RAPGEF4: variants seen among roughly 807,000 people sequenced by gnomAD.
The protein encoded by RAPGEF4 is Rap guanine nucleotide exchange factor 4.
RAPGEF4 carries 66 observed loss-of-function variants against 147.9 expected under a neutral mutation model. That is an observed-to-expected ratio of 0.45 (90% CI 0.37 to 0.55). RAPGEF4 has a LOEUF of 0.55. Ranked by LOEUF, RAPGEF4 falls within the 20% of genes least tolerant of loss-of-function variation. RAPGEF4 has a pLI of 0.00. For missense variants in RAPGEF4, 1,071 were observed against 1,257.3 expected (o/e 0.85, Z 2.24); for synonymous variants, 419 against 442.7 (o/e 0.95, Z 0.67).
At chr2:172,932,367 T>C (rs1686082793) in intron 6 of RAPGEF4, among the ~76,000 whole-genome samples, 1 of 152,220 alleles carries the variant, frequency 6.6e-6, no homozygotes, top group Non-Finnish European at 1.5e-5. Flanking sequence ...ACAATTGAGT[T>C]CCAGTCCTGT....
intron 1 of RAPGEF4, among the ~76,000 whole-genome samples, chr2:172,790,410 A>ATAT (rs1363673982): frequency 2.6e-5 from 4 of 152,194 alleles, no homozygotes; most frequent in Admixed American, 6.5e-5. Context: ...AAGGCCCTGG[A>ATAT]TATTAGATGC....
intron 3 of RAPGEF4, among the ~76,000 whole-genome samples, chr2:172,810,070 A>G (rs1456158432): frequency 2.6e-5 from 4 of 152,208 alleles, no homozygotes; most frequent in Non-Finnish European, 4.4e-5. Context: ...TGGTACCTTA[A>G]CAGATTTTCC....
Position 172,814,738 on chromosome 2 carries a change from G to C in RAPGEF4, c.444+313G>C, listed in dbSNP as rs16860900. The C allele has an allele frequency of 8.6e-3, 2,867 of 333,632 alleles. 68 individuals carry two copies. Among genetic ancestry groups the C allele is most frequent in the African/African-American group, 0.055 (2,621 of 47,590 alleles). The allele number at this position is 333,632 out of a possible 1,614,324, so 20.7% of individuals were successfully genotyped here. A position where few individuals can be genotyped will look rare whatever the true frequency, so the allele number is the denominator to read the frequency against. On this transcript the variant is annotated intron_variant, in intron 4 of 30. Coordinates refer to ENST00000397081, the MANE Select transcript of RAPGEF4 (RefSeq NM_007023.4). ...TTTCCACAGATGTATTCTTAACCAG[G>C]GAACAAAATACTTTGACATTTTCTT...
intron 1 of RAPGEF4, among the ~76,000 whole-genome samples, chr2:172,778,738 T>C (rs776397097): frequency 4.6e-5 from 7 of 152,236 alleles, no homozygotes; most frequent in Non-Finnish European, 8.8e-5. Context: ...ACATAAATAG[T>C]GTAATACCAC....
At chr2:172,768,097 C>A (rs1372890155) in intron 1 of RAPGEF4, among the ~76,000 whole-genome samples, 1 of 152,158 alleles carries the variant, frequency 6.6e-6, no homozygotes, top group African/African-American at 2.4e-5. Context: ...CAGGCATGAG[C>A]CACCGCGCCT....
At chr2:172,785,072 G>A (rs1374802995) in intron 1 of RAPGEF4, among the ~76,000 whole-genome samples, 4 of 152,214 alleles carry the variant, frequency 2.6e-5, no homozygotes, top group African/African-American at 4.8e-5. Flanking sequence ...TGATCTGCCC[G>A]CCTTGGCTTC....
chr2:173,021,596 A>G (rs1696104333), intron 23 of RAPGEF4, among the ~76,000 whole-genome samples: 1 of 152,166 alleles, frequency 6.6e-6, no homozygotes, highest in South Asian at 2.1e-4. Flanking sequence ...TCAAAAACAA[A>G]GAAAAGAAAA....
At chr2:172,792,407 G>A (rs1685912690) in intron 1 of RAPGEF4, among the ~76,000 whole-genome samples, 1 of 152,182 alleles carries the variant, frequency 6.6e-6, no homozygotes, top group Non-Finnish European at 1.5e-5. Context: ...CTGATGTGTT[G>A]TATTTCCCCA....
Position 172,879,750 on chromosome 2 carries a change from C to T in RAPGEF4, c.445-38052C>T, listed in dbSNP as rs147339248. On this transcript the variant is annotated intron_variant, in intron 4 of 30. Transcript: ENST00000397081. The stretch of plus-strand genomic sequence containing the variant: ...CTAGAAGGTCAAGGCTGCAGTGAGC[C>T]GTGATCATACCACTGTACTGCAGCC... 4.2e-3 allele frequency among the ~76,000 whole-genome samples: 632 copies of T among 152,196 alleles called. 3 individuals carry two copies. Among genetic ancestry groups the T allele is most frequent in the African/African-American group, 0.014 (602 of 41,532 alleles).
At chr2:172,757,368 A>G (rs1341296956) in intron 1 of RAPGEF4, among the ~76,000 whole-genome samples, 1 of 152,136 alleles carries the variant, frequency 6.6e-6, no homozygotes, top group Non-Finnish European at 1.5e-5. Context: ...CATCCTGTGT[A>G]CTTCTGTGAT....
intron 3 of RAPGEF4, among the ~76,000 whole-genome samples, chr2:172,813,729 TC>T (rs1453541115): frequency 6.6e-6 from 1 of 152,184 alleles, no homozygotes; most frequent in Non-Finnish European, 1.5e-5. Flanking sequence ...TCTCCTCTTT[TC>T]TGAAAACAGA....
At chr2:172,866,855 ATAGTC>A (rs1231004269) in intron 4 of RAPGEF4, among the ~76,000 whole-genome samples, 1 of 151,960 alleles carries the variant, frequency 6.6e-6, no homozygotes. Flanking sequence ...ACATTCTTCG[ATAGTC>A]TAGTGTTTAT....
intron 29 of RAPGEF4, among the ~76,000 whole-genome samples, chr2:173,039,932 GTAA>G (rs1684544304): frequency 6.6e-6 from 1 of 152,170 alleles, no homozygotes; most frequent in Non-Finnish European, 1.5e-5. Context: ...GCTCATGTCT[GTAA>G]TCCCAGCACT....
intron 4 of RAPGEF4, among the ~76,000 whole-genome samples, chr2:172,879,887 A>T (rs1443109083): frequency 6.6e-6 from 1 of 152,186 alleles, no homozygotes; most frequent in Non-Finnish European, 1.5e-5. Context: ...AGTACTCTGA[A>T]TTGCCTCCCA....
intron 5 of RAPGEF4, among the ~76,000 whole-genome samples, chr2:172,920,782 A>G (rs1684664510): frequency 6.6e-6 from 1 of 152,128 alleles, no homozygotes; most frequent in Non-Finnish European, 1.5e-5. Context: ...AACCTCATAC[A>G]ATCAACCCTA....
chr2:172,741,656 A>G (rs971290132), intron 1 of RAPGEF4, among the ~76,000 whole-genome samples: 5 of 152,190 alleles, frequency 3.3e-5, no homozygotes, highest in Non-Finnish European at 1.5e-5. Context: ...AAATAGCAGT[A>G]TGATTCTTAA....
intron 2 of RAPGEF4, 39 bp downstream of exon 2, chr2:172,795,206 G>A (rs1432010929): frequency 1.3e-6 from 2 of 1,555,062 alleles, no homozygotes; most frequent in African/African-American, 2.7e-5. Context: ...TCCATGTATG[G>A]TTTATGCTGA....
At chr2:172,960,342 C>T (rs1202154221) in intron 6 of RAPGEF4, among the ~76,000 whole-genome samples, 3 of 152,158 alleles carry the variant, frequency 2.0e-5, no homozygotes, top group Admixed American at 1.3e-4. Context: ...AAGAGAGAGA[C>T]GAAATAGCTC....
At chr2:173,027,681 A>G (rs1159349166) in intron 25 of RAPGEF4, among the ~76,000 whole-genome samples, 1 of 152,250 alleles carries the variant, frequency 6.6e-6, no homozygotes, top group Admixed American at 6.5e-5. Flanking sequence ...CATCCAGCCC[A>G]GACAGAATTA....
Sources: gnomAD v4.1 joint callset for allele counts (sites outside exome capture counted in the v4.1 genomes callset) on GRCh38, gnomAD v4.1.1 for gene constraint, MANE v1.5 for transcripts, NCBI Gene and HGNC (gene_info 2026-07-23, HGNC 2026-07-21) for gene names.